The following SPOCK3 variants were observed in gnomAD, a reference collection of about 807,000 sequenced individuals.
SPOCK3 encodes SPARC (osteonectin), cwcv and kazal like domains proteoglycan 3.
A neutral mutation model predicts 56.6 loss-of-function variants in SPOCK3; 30 were observed. The ratio of observed to expected loss-of-function variants is 0.53; its 90% CI spans 0.40 to 0.72. The LOEUF is 0.72. SPOCK3 is among the 30% of genes least tolerant of loss of function. The pLI is 0.00. For synonymous variants in SPOCK3, 196 were observed against 183.3 expected, an observed-to-expected ratio of 1.07 and a Z score of -0.56; for missense variants, 527 against 530.0, an observed-to-expected ratio of 0.99 and a Z score of 0.06.
At chr4:166,906,728 T>TA (rs1205601789) in intron 5 of SPOCK3, among the ~76,000 whole-genome samples, 3 of 151,944 alleles carry the variant, frequency 2.0e-5, no homozygotes, top group Non-Finnish European at 1.5e-5. Flanking sequence ...TCAATAAATT[T>TA]AAAAGCCACA....
chr4:167,067,621 A>G (rs1425750123), intron 2 of SPOCK3, among the ~76,000 whole-genome samples: 1 of 151,820 alleles, frequency 6.6e-6, no homozygotes, highest in African/African-American at 2.4e-5. Context: ...CTGATGTCAA[A>G]CTATCCAGGA....
chr4:166,960,213 A>G (rs1040901000), intron 4 of SPOCK3, among the ~76,000 whole-genome samples: 3 of 152,344 alleles, frequency 2.0e-5, no homozygotes, highest in African/African-American at 4.8e-5. Flanking sequence ...ATACTTTAAC[A>G]TCAAAGCAAG....
intron 3 of SPOCK3, among the ~76,000 whole-genome samples, chr4:167,019,830 A>C (rs1318118051): frequency 6.6e-6 from 1 of 152,190 alleles, no homozygotes; most frequent in East Asian, 1.9e-4. Context: ...AACATAAATA[A>C]AAGCAATGTG....
chr4:166,877,573 T>C (rs1225382200), intron 6 of SPOCK3, among the ~76,000 whole-genome samples: 1 of 152,102 alleles, frequency 6.6e-6, no homozygotes, highest in African/African-American at 2.4e-5. Flanking sequence ...GAAAAAAGAA[T>C]GAAAATCTCA....
intron 3 of SPOCK3, among the ~76,000 whole-genome samples, chr4:167,051,434 T>C (rs1440720351): frequency 6.6e-6 from 1 of 152,218 alleles, no homozygotes; most frequent in East Asian, 1.9e-4. Flanking sequence ...CTTTGTTTTT[T>C]CCAAGACAAA....
chr4:167,199,092 A>G (rs544876246), intron 2 of SPOCK3, among the ~76,000 whole-genome samples: 245 of 152,222 alleles, frequency 1.6e-3, no homozygotes, highest in Non-Finnish European at 2.7e-3. Context: ...AATTGCATTC[A>G]AGTTACTTGA....
chr4:167,151,441 T>G (rs1407556490), intron 2 of SPOCK3, among the ~76,000 whole-genome samples: 2 of 148,970 alleles, frequency 1.3e-5, no homozygotes, highest in South Asian at 4.2e-4. Context: ...TTTTCTTTTT[T>G]TTTTTTTTTT....
chr4:167,232,036 A>C (rs1737230439), intron 2 of SPOCK3, among the ~76,000 whole-genome samples: 1 of 142,704 alleles, frequency 7.0e-6, no homozygotes, highest in South Asian at 2.1e-4. Context: ...TTTTTCCTTG[A>C]GATCCTAGAA....
At position 167,193,514 on chromosome 4, in the gene SPOCK3, CCTTTTAA is replaced by C. The variant is rs564763063; in HGVS notation, c.189+40464_189+40470del. Among the ~76,000 whole-genome samples, 88 of 145,782 alleles carry C rather than the reference CCTTTTAA, an allele frequency of 6.0e-4. 13 individuals carry two copies. Among genetic ancestry groups the C allele is most frequent in the African/African-American group, 2.1e-3 (80 of 38,190 alleles). ...AGCTATAGTTAGTTTAATACTTTTG[CCTTTTAA>C]CTTTTTAATAAAGTTAAAAGTGATT... On this transcript the variant is annotated intron_variant, in intron 2 of 10. Transcript: ENST00000357545.
At chr4:167,231,978 A>G (rs917416929) in intron 2 of SPOCK3, among the ~76,000 whole-genome samples, 7 of 152,140 alleles carry the variant, frequency 4.6e-5, no homozygotes, top group African/African-American at 1.4e-4. Context: ...ATTTGCATAA[A>G]ATGTATCAGT....
intron 6 of SPOCK3, among the ~76,000 whole-genome samples, chr4:166,801,298 G>C (rs1355385375): frequency 6.6e-6 from 1 of 151,818 alleles, no homozygotes; most frequent in Non-Finnish European, 1.5e-5. Flanking sequence ...AGCACATCTG[G>C]TACTCCTAAT....
At chr4:166,993,325 G>T (rs970138270) in intron 4 of SPOCK3, among the ~76,000 whole-genome samples, 1 of 152,168 alleles carries the variant, frequency 6.6e-6, no homozygotes, top group Non-Finnish European at 1.5e-5. Flanking sequence ...TAGTGCCTAT[G>T]AATCCTTCTC....
At chr4:167,014,612 A>G (rs10008454) in intron 3 of SPOCK3, among the ~76,000 whole-genome samples, 108,613 of 152,066 alleles carry the variant, frequency 0.71, 39,333 homozygotes, top group East Asian at 0.86. Flanking sequence ...CTATGATAAT[A>G]CCACTATGCT....
At chr4:167,177,367 TA>T (rs1731078493) in intron 2 of SPOCK3, among the ~76,000 whole-genome samples, 1 of 151,946 alleles carries the variant, frequency 6.6e-6, no homozygotes, top group African/African-American at 2.4e-5. Flanking sequence ...GAAAACCTTA[TA>T]AGGAAGATGC....
chr4:167,233,265 C>T (rs1561352668), intron 2 of SPOCK3, among the ~76,000 whole-genome samples: 1 of 152,178 alleles, frequency 6.6e-6, no homozygotes, highest in Non-Finnish European at 1.5e-5. Context: ...CTCTTAATAA[C>T]CCTTTTGAAA....
intron 6 of SPOCK3, among the ~76,000 whole-genome samples, chr4:166,827,423 C>T (rs1745589445): frequency 6.6e-6 from 1 of 152,054 alleles, no homozygotes; most frequent in Non-Finnish European, 1.5e-5. Flanking sequence ...CAACGAATGG[C>T]AGTCATTACA....
intron 6 of SPOCK3, among the ~76,000 whole-genome samples, chr4:166,875,676 T>C (rs936642209): frequency 6.6e-6 from 1 of 152,178 alleles, no homozygotes; most frequent in East Asian, 1.9e-4. Flanking sequence ...AGAGTAATTA[T>C]GGACATAAAC....
chr4:167,124,436 T>G (rs575418485), intron 2 of SPOCK3, among the ~76,000 whole-genome samples: 1 of 152,312 alleles, frequency 6.6e-6, no homozygotes, highest in South Asian at 2.1e-4. Flanking sequence ...CAGGTTTTCA[T>G]GCAGTCAGAT....
chr4:166,747,588 C>T (rs1052273949), intron 8 of SPOCK3, among the ~76,000 whole-genome samples: 5 of 152,116 alleles, frequency 3.3e-5, no homozygotes, highest in Non-Finnish European at 2.9e-5. Flanking sequence ...ACAGGGATGC[C>T]TTCTCTCACT....
Sources: allele counts gnomAD v4.1 joint callset (sites outside exome capture counted in the v4.1 genomes callset), GRCh38; gene constraint gnomAD v4.1.1; transcripts MANE v1.5; gene names NCBI Gene and HGNC (gene_info 2026-07-23, HGNC 2026-07-21).